The following HEPHL1 variants were observed in gnomAD, a reference collection of about 807,000 sequenced individuals.
HEPHL1 encodes the protein ferroxidase HEPHL1.
In HEPHL1, 123 loss-of-function variants were observed where a neutral mutation model predicts 122.0. The observed-to-expected ratio is 1.01, with a 90% CI of 0.87 to 1.17. HEPHL1 has a LOEUF of 1.17. Ranked by LOEUF, HEPHL1 falls within the 50% of genes most tolerant of loss-of-function variation. The pLI is 0.00. For missense variants in HEPHL1, 1,452 were observed against 1,430.5 expected (o/e 1.01, Z -0.24); for synonymous variants, 527 against 508.9 (o/e 1.04, Z -0.48).
chr11:94,109,461 C>G (rs745916301), intron 17 of HEPHL1, among the ~76,000 whole-genome samples: 3 of 152,080 alleles, frequency 2.0e-5, no homozygotes, highest in Non-Finnish European at 4.4e-5. Flanking sequence ...AGTCATTCAC[C>G]TTTGAATATA....
rs756924679 is a variant in HEPHL1 at position 94,106,014 on chromosome 11, A to C, written c.2929A>C (p.Asn977His). Residue 977 changes from asparagine to histidine, a missense_variant, in exon 17 of 20, where the codon AAT (asparagine) becomes CAT (histidine). Physicochemically the swap from Asn to His is moderately conservative, Grantham distance 68 (BLOSUM62 1). Transcript: ENST00000315765. The part of the protein sequence containing the change: ...MHAINGKIFG[N>H]LHGLIMNEDT... ...AGCCATTAATGGAAAGATTTTTGGG[A>C]ATCTCCATGGCCTCATAATGAACGA... The C allele has an allele frequency of 3.2e-6, 5 of 1,578,450 alleles. No individual in the cohort carries two copies. In the Admixed American group the frequency reaches 8.6e-5, roughly 27 times the overall value.
At chr11:94,104,962 T>A (rs1946397341) in intron 16 of HEPHL1, among the ~76,000 whole-genome samples, 1 of 152,192 alleles carries the variant, frequency 6.6e-6, no homozygotes, top group Non-Finnish European at 1.5e-5. Flanking sequence ...TACTAACTTG[T>A]AGGGACATGT....
At chr11:94,077,379 T>A (rs565291038) in intron 9 of HEPHL1, among the ~76,000 whole-genome samples, 1 of 152,142 alleles carries the variant, frequency 6.6e-6, no homozygotes, top group Admixed American at 6.6e-5. Context: ...TTCTTTAAAT[T>A]TTTTTTATTT....
Position 94,064,642 on chromosome 11 carries a change from A to C in HEPHL1, c.808+132A>C, listed in dbSNP as rs984026056. ...ATAACTCAGGGATGACCATGGTTAG[A>C]AAGTGATACAATACATGACACATGT... On this transcript the variant is annotated intron_variant, in intron 4 of 19. Coordinates refer to ENST00000315765, the MANE Select transcript of HEPHL1 (RefSeq NM_001098672.2). The C allele has an allele frequency of 4.7e-6, 3 of 634,696 alleles. No homozygotes were observed. In the East Asian group the frequency reaches 8.3e-5, roughly 18 times the overall value. The allele number at this position is 634,696 out of a possible 1,614,324, so 39.3% of individuals were successfully genotyped here. A position where few individuals can be genotyped will look rare whatever the true frequency, so the allele number is the denominator to read the frequency against.
rs771352135 is a variant in HEPHL1 at position 94,111,619 on chromosome 11, C to T, written c.3277+14C>T. The T allele has an allele frequency of 6.2e-7, 1 of 1,607,204 alleles. No homozygotes were observed. Among genetic ancestry groups the T allele is most frequent in the Non-Finnish European group, 8.5e-7 (1 of 1,176,098 alleles). On this transcript the variant is annotated intron_variant, in intron 19 of 19. Coordinates refer to ENST00000315765, the MANE Select transcript of HEPHL1 (RefSeq NM_001098672.2). ...TGCCATCTAACGGTAATGATACCCT[C>T]TCCCCATGTAAATGAGTCAACATTT...
chr11:94,075,214 C>T lies in HEPHL1; in HGVS notation c.1545C>T (p.Thr515=), dbSNP rs2134434995. 4 of 1,613,334 alleles carry T rather than the reference C, an allele frequency of 2.5e-6. No individual in the cohort carries two copies. The South Asian group carries it at 4.4e-5, about 18-fold the overall frequency. Residue 515 remains threonine, a synonymous_variant, in exon 9 of 20, where the codon ACC becomes ACT. Transcript: ENST00000315765. ...KPGAHVKPGE[T]FTYKWTVPES... ...GGGCGCATGTTAAACCAGGTGAAAC[C>T]TTCACATACAAGTGGACAGTGCCTG... is the stretch of plus-strand genomic sequence containing the variant.
At chr11:94,045,573 A>T (rs1945826492) in intron 1 of HEPHL1, 100 bp from the exon 2 acceptor site, 1 of 1,013,806 alleles carries the variant, frequency 9.9e-7, no homozygotes, top group Non-Finnish European at 1.4e-6. Flanking sequence ...TGAACACCAA[A>T]TGAGAGGTCA....
chr11:94,030,558 TTC>T lies in HEPHL1; in HGVS notation c.170+9021_170+9022del, dbSNP rs1433550660. On this transcript the variant is annotated intron_variant, in intron 1 of 19. Coordinates refer to ENST00000315765, the MANE Select transcript of HEPHL1 (RefSeq NM_001098672.2). The stretch of plus-strand genomic sequence containing the variant: ...GGAGCTCCAGTCATCATGTCTACAT[TTC>T]AGGCATGAATAAAGGGAAGAGAAGA... Among the ~76,000 whole-genome samples the T allele has an allele frequency of 3.3e-5, 5 of 152,286 alleles. No individual in the cohort carries two copies. In the East Asian group the frequency reaches 9.7e-4, roughly 29 times the overall value.
intron 2 of HEPHL1, among the ~76,000 whole-genome samples, chr11:94,057,977 G>T (rs1945954172): frequency 6.6e-6 from 1 of 151,890 alleles, no homozygotes; most frequent in South Asian, 2.1e-4. Context: ...TAAATCTGTG[G>T]ATTATCTTTC....
Position 94,102,991 on chromosome 11 carries a change from G to C in HEPHL1, c.2653G>C (p.Val885Leu). 4 of 1,605,378 alleles carry C rather than the reference G, an allele frequency of 2.5e-6. No homozygotes were observed. Among genetic ancestry groups the C allele is most frequent in the Non-Finnish European group, 3.4e-6 (4 of 1,172,194 alleles). Residue 885 changes from valine to leucine, a missense_variant, in exon 15 of 20, where the codon GTT becomes CTT. Physicochemically the swap from Val to Leu is conservative, Grantham distance 32. Coordinates refer to ENST00000315765, the MANE Select transcript of HEPHL1 (RefSeq NM_001098672.2). ...TTCTGATCCCAATTGTATTCCATGG[G>C]TTTACTATTCAACAGTAAACTTTGT... ...GPSDPNCIPW[V>L]YYSTVNFVKD...
At chr11:94,067,461 G>A in intron 4 of HEPHL1, 35 bp from the exon 5 acceptor site, 1 of 1,605,184 alleles carries the variant, frequency 6.2e-7, no homozygotes, top group Non-Finnish European at 8.5e-7. Flanking sequence ...GCCTCTGCAG[G>A]GGAGTCTCTT....
At chr11:94,028,150 A>G (rs1945642561) in intron 1 of HEPHL1, among the ~76,000 whole-genome samples, 1 of 152,180 alleles carries the variant, frequency 6.6e-6, no homozygotes, top group African/African-American at 2.4e-5. Flanking sequence ...GGCTCTGGAC[A>G]GTAGAGTTGG....
chr11:94,065,154 A>G (rs570672563), intron 4 of HEPHL1, among the ~76,000 whole-genome samples: 1 of 152,336 alleles, frequency 6.6e-6, no homozygotes, highest in Admixed American at 6.5e-5. Flanking sequence ...GTAGCATTTT[A>G]GGATTTTCTT....
rs748141597 is a variant in HEPHL1, at chr11:94,021,387, G to T, written c.19G>T (p.Ala7Ser). MPRKQPAGCIFLLTFLG... is the reference protein window; with the variant it reads MPRKQPSGCIFLLTFLG... ...TCCACAAATGCCTCGGAAGCAGCCA[G>T]CTGGCTGCATCTTTCTCCTCACATT... is the stretch of plus-strand genomic sequence containing the variant. The change falls in exon 1 of 20, where the codon GCT becomes TCT. Residue 7 changes from alanine to serine, a missense_variant. By Grantham distance (99) the Ala-to-Ser change is moderately conservative. Transcript: ENST00000315765. 1.9e-6 allele frequency: 3 copies of T among 1,612,692 alleles called. No individual in the cohort carries two copies. Among genetic ancestry groups the T allele is most frequent in the Non-Finnish European group, 2.5e-6 (3 of 1,179,424 alleles).
chr11:94,053,826 GA>G (rs1265543093), intron 2 of HEPHL1, among the ~76,000 whole-genome samples: 2 of 152,264 alleles, frequency 1.3e-5, no homozygotes, highest in East Asian at 3.9e-4. Context: ...TGCTTTGTAT[GA>G]TAGTAATCCT....
At position 94,101,278 on chromosome 11, in the gene HEPHL1, C is replaced by T. The variant is rs772198964; in HGVS notation, c.2518C>T (p.Gln840Ter). ...CAGTAGGCCCTACTCCATCTCAGCC[C>T]AGGGTGTGGAGGAGATGGATAGTGG... The part of the protein sequence containing the change: ...KASRPYSISA[Q>*]GVEEMDSGKQ... Residue 840 changes from glutamine to a stop codon, truncating the protein, a stop_gained, in exon 14 of 20, where the codon CAG becomes TAG. Transcript: ENST00000315765. LOFTEE classifies it high-confidence loss of function. 2 of 1,613,728 alleles carry T rather than the reference C, an allele frequency of 1.2e-6. No individual in the cohort carries two copies. The highest frequency in any genetic ancestry group is 2.2e-5 in the East Asian group (1 of 44,884).
At chr11:94,048,385 G>T (rs937150244) in intron 2 of HEPHL1, among the ~76,000 whole-genome samples, 5 of 151,704 alleles carry the variant, frequency 3.3e-5, no homozygotes, top group Non-Finnish European at 7.4e-5. Flanking sequence ...TTTGAGATGG[G>T]GTCTCGCTCT....
At position 94,073,313 on chromosome 11, in the gene HEPHL1, G is replaced by A; in HGVS notation, c.1378G>A (p.Val460Ile). The A allele has an allele frequency of 6.2e-7, 1 of 1,610,116 alleles. No individual in the cohort carries two copies. The highest frequency in any genetic ancestry group is 1.1e-5 in the South Asian group (1 of 90,240). The stretch of plus-strand genomic sequence containing the variant: ...TCTTCTGGATATTTTTTCAGGCCCA[G>A]TCATCAAGGCAGAGGTGGGTGATAC... ...EEAHLGILGP[V>I]IKAEVGDTLL... Residue 460 changes from valine (V) to isoleucine (I), a missense_variant, in exon 8 of 20, where the codon GTC becomes ATC. Transcript: ENST00000315765.
chr11:94,106,261 A>T, intron 17 of HEPHL1, 131 bp downstream of exon 17: 4 of 541,898 alleles, frequency 7.4e-6, no homozygotes, highest in Non-Finnish European at 1.2e-5. Context: ...GAATAATGTG[A>T]TTGTACCGTT....
Sources: allele counts gnomAD v4.1 joint callset (sites outside exome capture counted in the v4.1 genomes callset), GRCh38; gene constraint gnomAD v4.1.1; transcripts MANE v1.5; gene names NCBI Gene and HGNC (gene_info 2026-07-23, HGNC 2026-07-21).